XXYLT1: variants seen among roughly 807,000 people sequenced by gnomAD.
XXYLT1 encodes the protein UDP-xylose:alpha-xyloside alpha-1,3-xylosyltransferase.
XXYLT1 carries 20 observed loss-of-function variants against 28.9 expected under a neutral mutation model. The observed-to-expected ratio is 0.69, with a 90% CI of 0.49 to 1.00. The LOEUF is 1.00. XXYLT1 is among the 50% of genes least tolerant of loss of function. The pLI is 0.00. For missense variants in XXYLT1, 542 were observed against 560.1 expected (o/e 0.97, Z 0.33); for synonymous variants, 257 against 253.8 (o/e 1.01, Z -0.12).
intron 1 of XXYLT1, among the ~76,000 whole-genome samples, chr3:195,244,032 G>A (rs1030725360): frequency 2.6e-5 from 4 of 152,284 alleles, no homozygotes; most frequent in East Asian, 3.9e-4. Flanking sequence ...ACTGCACGAC[G>A]TCCAATCGTT....
rs1005285511 is a variant in XXYLT1 at position 195,168,087 on chromosome 3, G to A, written c.653-11506C>T. ...ATGAACTGAGGGATTTTAGGCAAGC[G>A]TGAGTAGGTAGGGCCCTGGGATAGA... On this transcript the variant is annotated intron_variant, in intron 2 of 3. Transcript: ENST00000310380. This position sits in a 1 kb window ranked among gnomAD's most constrained non-coding sequence, Gnocchi z 4.3. Among the ~76,000 whole-genome samples, 1 of 152,196 alleles carries A rather than the reference G, an allele frequency of 6.6e-6. No homozygotes were observed. Among genetic ancestry groups the A allele is most frequent in the African/African-American group, 2.4e-5 (1 of 41,444 alleles).
At chr3:195,155,349 A>T (rs951041722) in intron 3 of XXYLT1, among the ~76,000 whole-genome samples, 1 of 152,118 alleles carries the variant, frequency 6.6e-6, no homozygotes, top group Admixed American at 6.5e-5. Flanking sequence ...TGCACTGAGA[A>T]CAAAGAGCGG....
chr3:195,224,752 C>A (rs114044674), intron 2 of XXYLT1, among the ~76,000 whole-genome samples: 3 of 152,142 alleles, frequency 2.0e-5, no homozygotes. Context: ...AAACCCCTAG[C>A]GGGGATTCCT....
rs1176860035 is a variant in XXYLT1 at position 195,150,227 on chromosome 3, T to C, written c.785+6222A>G. ...CAATCTCCCTCAACTCTGCCACATA[T>C]AGTGTTATAATCTCCATTTCTCATG... On this transcript the variant is annotated intron_variant, in intron 3 of 3. Coordinates refer to ENST00000310380, the MANE Select transcript of XXYLT1 (RefSeq NM_152531.5). This position sits in a 1 kb window ranked among gnomAD's most constrained non-coding sequence, Gnocchi z 4.7. Among the ~76,000 whole-genome samples, 2 of 152,194 alleles carry C rather than the reference T, an allele frequency of 1.3e-5. No homozygotes were observed. The highest frequency in any genetic ancestry group is 2.1e-4 in the South Asian group (1 of 4,834).
At chr3:195,071,631 C>T (rs769308370) in intron 3 of XXYLT1, among the ~76,000 whole-genome samples, 13 of 151,738 alleles carry the variant, frequency 8.6e-5, no homozygotes, top group Non-Finnish European at 1.8e-4. Context: ...CTCAAGCAAA[C>T]TGAGATGCTG....
chr3:195,181,291 GGGGC>G (rs1721942331), intron 2 of XXYLT1, among the ~76,000 whole-genome samples: 1 of 152,098 alleles, frequency 6.6e-6, no homozygotes, highest in Non-Finnish European at 1.5e-5. Flanking sequence ...GCGTGGCTGC[GGGGC>G]TGCGGGGCTG....
chr3:195,096,319 C>T (rs940906495), intron 3 of XXYLT1, among the ~76,000 whole-genome samples: 3 of 152,112 alleles, frequency 2.0e-5, no homozygotes, highest in African/African-American at 7.2e-5. Flanking sequence ...GTGACAGTGG[C>T]GCAGACACAG....
intron 3 of XXYLT1, among the ~76,000 whole-genome samples, chr3:195,092,591 GGC>G (rs1716175464): frequency 8.8e-6 from 1 of 113,860 alleles, no homozygotes; most frequent in Non-Finnish European, 1.7e-5. Flanking sequence ...AGAAAACCTA[GGC>G]ATTACCATTC....
chr3:195,146,183 T>C (rs1270851206), intron 3 of XXYLT1, among the ~76,000 whole-genome samples: 3 of 152,208 alleles, frequency 2.0e-5, no homozygotes, highest in Non-Finnish European at 4.4e-5. Context: ...ATTCCCTTCA[T>C]GTGGGGCTGG....
rs542498884 is a variant in XXYLT1, at chr3:195,134,067, C to A, written c.785+22382G>T. Among the ~76,000 whole-genome samples, 46 of 151,906 alleles carry A rather than the reference C, an allele frequency of 3.0e-4. No individual in the cohort carries two copies. In the South Asian group the frequency reaches 6.7e-3, roughly 22 times the overall value. On this transcript the variant is annotated intron_variant, in intron 3 of 3. Coordinates refer to ENST00000310380, the MANE Select transcript of XXYLT1 (RefSeq NM_152531.5). ...GCCAAGTAAAAGACAGACAGACAGA[C>A]AGAAAGAAAGAAAGAAATTTTTGTA...
At position 195,195,444 on chromosome 3, in the gene XXYLT1, C is replaced by T. The variant is rs953035563; in HGVS notation, c.652+31265G>A. ...GTCGCTCAGGCGCCTAAGACTGTTC[C>T]AGTCAGAAGTCCCACTGAGAAGTGG... On this transcript the variant is annotated intron_variant, in intron 2 of 3. Coordinates refer to ENST00000310380, the MANE Select transcript of XXYLT1 (RefSeq NM_152531.5). The surrounding 1 kb of genome is among the most constrained non-coding windows in gnomAD (Gnocchi z 4.4). Among the ~76,000 whole-genome samples, 5 of 152,128 alleles carry T rather than the reference C, an allele frequency of 3.3e-5. No homozygotes were observed. Among genetic ancestry groups the T allele is most frequent in the African/African-American group, 1.2e-4 (5 of 41,370 alleles).
chr3:195,261,694 A>C (rs1044334005), intron 1 of XXYLT1, among the ~76,000 whole-genome samples: 3 of 152,178 alleles, frequency 2.0e-5, no homozygotes, highest in African/African-American at 7.2e-5. Flanking sequence ...GGGTTTTTTT[A>C]AGAAAATGCA....
chr3:195,153,283 C>G (rs1348270287), intron 3 of XXYLT1, among the ~76,000 whole-genome samples: 1 of 152,208 alleles, frequency 6.6e-6, no homozygotes, highest in Non-Finnish European at 1.5e-5. Flanking sequence ...AAAAAACATG[C>G]TCAATTCCTT....
intron 2 of XXYLT1, among the ~76,000 whole-genome samples, chr3:195,164,769 G>A (rs1052471576): frequency 1.3e-5 from 2 of 152,224 alleles, no homozygotes; most frequent in Non-Finnish European, 2.9e-5. Context: ...GTTCCATTCT[G>A]ACACTGAAAA....
At chr3:195,262,521 T>C (rs979905674) in intron 1 of XXYLT1, among the ~76,000 whole-genome samples, 1 of 152,170 alleles carries the variant, frequency 6.6e-6, no homozygotes, top group Non-Finnish European at 1.5e-5. Context: ...TAATTATCTA[T>C]CTTTTTAAAA....
intron 3 of XXYLT1, among the ~76,000 whole-genome samples, chr3:195,142,332 T>C (rs138060371): frequency 3.5e-4 from 54 of 152,356 alleles, no homozygotes; most frequent in Middle Eastern, 3.4e-3. Context: ...GGCAGGCAGA[T>C]CTAGAAAATG....
intron 3 of XXYLT1, among the ~76,000 whole-genome samples, chr3:195,128,860 A>G (rs984641464): frequency 6.6e-6 from 1 of 152,224 alleles, no homozygotes; most frequent in Non-Finnish European, 1.5e-5. Context: ...ACTGGTACAC[A>G]ATAAATATTT....
chr3:195,150,756 G>A lies in XXYLT1; in HGVS notation c.785+5693C>T, dbSNP rs1720163118. ...CTCCACAAAGTGACCATAACAAAGG[G>A]CCACAGCCCACATACGCACACACTC... On this transcript the variant is annotated intron_variant, in intron 3 of 3. Coordinates refer to ENST00000310380, the MANE Select transcript of XXYLT1 (RefSeq NM_152531.5). The surrounding 1 kb of genome is among the most constrained non-coding windows in gnomAD (Gnocchi z 4.7). Among the ~76,000 whole-genome samples, 1 of 151,936 alleles carries A rather than the reference G, an allele frequency of 6.6e-6. No homozygotes were observed. The highest frequency in any genetic ancestry group is 2.1e-4 in the South Asian group (1 of 4,826).
chr3:195,069,705 C>T lies in XXYLT1; in HGVS notation c.*10G>A, dbSNP rs3796159. The T allele has an allele frequency of 1.6e-5, 26 of 1,603,254 alleles. No individual in the cohort carries two copies. Among genetic ancestry groups the T allele is most frequent in the Middle Eastern group, 1.7e-4 (1 of 6,028 alleles). On this transcript the variant is annotated 3_prime_UTR_variant, in exon 4 of 4. Transcript: ENST00000310380. ...ATCTGGAGGCCCCGGGGGCAAGGCA[C>T]GGGGAGCGCCTAGTCCTCCGGGATG...
Sources: allele counts gnomAD v4.1 joint callset (sites outside exome capture counted in the v4.1 genomes callset), GRCh38; gene constraint gnomAD v4.1.1; non-coding constraint Gnocchi (gnomAD v3.1); transcripts MANE v1.5; gene names NCBI Gene and HGNC (gene_info 2026-07-23, HGNC 2026-07-21).